UNC45A: variants seen among roughly 807,000 people sequenced by gnomAD.
UNC45A encodes unc-45 myosin chaperone A.
Under a neutral mutation model 103.2 loss-of-function variants are expected in UNC45A, and 78 were observed. That is an observed-to-expected ratio of 0.76 (90% CI 0.63 to 0.91). The LOEUF is 0.91. Among genes scored for constraint, UNC45A ranks in the 40% least tolerant of loss-of-function variants. UNC45A has a pLI of 0.00. For missense variants in UNC45A, 1,193 were observed against 1,224.8 expected (o/e 0.97, Z 0.39); for synonymous variants, 495 against 504.6 (o/e 0.98, Z 0.25).
rs1246194390 is a variant in UNC45A at position 90,936,325 on chromosome 15, G to T, written c.291G>T (p.Arg97=). 1 of 1,613,982 alleles carries T rather than the reference G, an allele frequency of 6.2e-7. No homozygotes were observed. The highest frequency in any genetic ancestry group is 1.7e-5 in the Admixed American group (1 of 59,980). Residue 97 remains arginine, a synonymous_variant, in exon 4 of 20, where the codon CGG becomes CGT. Coordinates refer to ENST00000418476, the MANE Select transcript of UNC45A (RefSeq NM_018671.5). ...GTGGGGATGTCAAAGCACTCTACCGGCGGAGCCAAGCCCTAGAGAAGCTGG... is the reference window on the plus strand; with the variant it reads ...GTGGGGATGTCAAAGCACTCTACCGTCGGAGCCAAGCCCTAGAGAAGCTGG... The part of the protein sequence containing the change: ...KDGGDVKALY[R]RSQALEKLGR...
upstream of UNC45A, chr15:90,932,302 T>C (rs2035828724): frequency 2.5e-6 from 2 of 812,526 alleles, no homozygotes; most frequent in Middle Eastern, 3.3e-4. Context: ...GTTATGAGGC[T>C]TAAACGGTAT....
intron 7 of UNC45A, 87 bp from the exon 8 acceptor site, chr15:90,942,825 G>A (rs2036363100): frequency 6.6e-7 from 1 of 1,525,908 alleles, no homozygotes; most frequent in African/African-American, 1.4e-5. Flanking sequence ...CCCCTTCCCT[G>A]TGTCTCCCTG....
intron 6 of UNC45A, among the ~76,000 whole-genome samples, chr15:90,941,761 A>T (rs978915994): frequency 1.3e-4 from 20 of 151,760 alleles, no homozygotes; most frequent in African/African-American, 4.8e-4. Flanking sequence ...AGATTGAGAC[A>T]ATCCTGGCTA....
chr15:90,943,198 C>T (rs1438060547), intron 8 of UNC45A, 116 bp downstream of exon 8: 1 of 1,269,982 alleles, frequency 7.9e-7, no homozygotes, highest in African/African-American at 1.5e-5. Context: ...CTTTGAGAGG[C>T]AGGGGGTCAC....
chr15:90,931,931 T>C (rs932374912), upstream of UNC45A: 2 of 1,613,940 alleles, frequency 1.2e-6, no homozygotes, highest in South Asian at 1.1e-5. Context: ...CACCGTGTCA[T>C]GGAGCAGGGC....
At chr15:90,931,636 G>C, upstream of UNC45A, 1 of 1,613,916 alleles carries the variant, frequency 6.2e-7, no homozygotes, top group Middle Eastern at 1.7e-4. Flanking sequence ...CAGGGGAACT[G>C]ACCAACATGT....
chr15:90,934,802 A>T (rs947731176), upstream of UNC45A: 2 of 403,094 alleles, frequency 5.0e-6, no homozygotes, highest in Non-Finnish European at 8.7e-6. Flanking sequence ...TTCGTATGCA[A>T]ATGTGTGTAT....
chr15:90,944,838 T>C (rs531609433), intron 8 of UNC45A, 54 bp from the exon 9 acceptor site: 1 of 1,561,786 alleles, frequency 6.4e-7, no homozygotes, highest in Non-Finnish European at 8.7e-7. Flanking sequence ...CTGTTTCTTT[T>C]ACTTGTAGGG....
intron 17 of UNC45A, among the ~76,000 whole-genome samples, 166 bp downstream of exon 17, chr15:90,950,781 G>C (rs917244812): frequency 6.6e-6 from 1 of 152,180 alleles, no homozygotes; most frequent in African/African-American, 2.4e-5. Context: ...GAGGCAGCAC[G>C]GCACGGCAGA....
intron 4 of UNC45A, 38 bp from the exon 5 acceptor site, chr15:90,939,693 G>C: frequency 6.2e-7 from 1 of 1,609,498 alleles, no homozygotes; most frequent in Non-Finnish European, 8.5e-7. Flanking sequence ...CTCTGGCCAA[G>C]AGCCGTGATT....
At position 90,939,784 on chromosome 15, in the gene UNC45A, G is replaced by A. The variant is rs765663280; in HGVS notation, c.480G>A (p.Leu160=). The A allele has an allele frequency of 9.3e-6, 15 of 1,614,202 alleles. No homozygotes were observed. The highest frequency in any genetic ancestry group is 7.7e-5 in the South Asian group (7 of 91,088). ...DAKVEQMFQI[L]LDPEEKGTEK... is the part of the protein sequence containing the mutation. ...AAGTGGAACAGATGTTTCAGATACT[G>A]TTGGACCCAGAAGAGAAGGGCACTG... Residue 160 remains leucine, a synonymous_variant, in exon 5 of 20, where the codon CTG becomes CTA. Coordinates refer to ENST00000418476, the MANE Select transcript of UNC45A (RefSeq NM_018671.5).
At chr15:90,950,295 C>T in intron 16 of UNC45A, 28 bp downstream of exon 16, 6 of 1,549,666 alleles carry the variant, frequency 3.9e-6, no homozygotes, top group Non-Finnish European at 5.2e-6. Context: ...CCGGCCTTTC[C>T]ACTCCCTCTG....
chr15:90,935,309 A>T lies in UNC45A; in HGVS notation c.-16A>T. 6.3e-7 allele frequency: 1 copy of T among 1,599,828 alleles called. No individual in the cohort carries two copies. On this transcript the variant is annotated 5_prime_UTR_variant, in exon 1 of 20. Coordinates refer to ENST00000418476, the MANE Select transcript of UNC45A (RefSeq NM_018671.5). ...CAGAGACTGCGCCTGCGCGGGCACG[A>T]GACAACCTCTCCGCGATGACTGTGA...
In UNC45A at chr15:90,940,264, C is replaced by G. The variant is rs17635998; in HGVS notation, c.520-42C>G. 162 of 1,583,928 alleles carry G rather than the reference C, an allele frequency of 1.0e-4. No homozygotes were observed. In the African/African-American group the frequency reaches 1.9e-3, roughly 18 times the overall value. On this transcript the variant is annotated intron_variant, in intron 5 of 19. Transcript: ENST00000418476. ...TGCTCACCAGTGCTGCATCCTATGCCGTGTGCAGTGTCAACATTATAATGT... is the reference window on the plus strand; with the variant it reads ...TGCTCACCAGTGCTGCATCCTATGCGGTGTGCAGTGTCAACATTATAATGT...
At position 90,948,648 on chromosome 15, in the gene UNC45A, T is replaced by C; in HGVS notation, c.1738-6T>C. On this transcript the variant is annotated splice_polypyrimidine_tract_variant and splice_region_variant and intron_variant, in intron 12 of 19. Transcript: ENST00000418476. Reference sequence around the variant, plus strand: ...TGCCCATGTGAATTCCTCTGTGTCCTGGCAGTTGGAGGAGAGGTCAGTGCT... The same window carrying C: ...TGCCCATGTGAATTCCTCTGTGTCCCGGCAGTTGGAGGAGAGGTCAGTGCT... The C allele has an allele frequency of 6.2e-7, 1 of 1,613,372 alleles. No homozygotes were observed. Among genetic ancestry groups the C allele is most frequent in the Non-Finnish European group, 8.5e-7 (1 of 1,179,394 alleles).
upstream of UNC45A, chr15:90,934,073 G>C (rs74039157): frequency 1.0e-5 from 4 of 399,132 alleles, no homozygotes; most frequent in Non-Finnish European, 1.8e-5. Context: ...GCCCCTTGCT[G>C]ACAGGCCTAT....
chr15:90,947,142 A>G (rs2036617364), intron 10 of UNC45A: 2 of 559,870 alleles, frequency 3.6e-6, no homozygotes, highest in Non-Finnish European at 6.4e-6. Flanking sequence ...TGAGTCACGC[A>G]TGTCACTGCA....
At chr15:90,942,729 G>T in intron 7 of UNC45A, 124 bp downstream of exon 7, 1 of 1,541,678 alleles carries the variant, frequency 6.5e-7, no homozygotes, top group Non-Finnish European at 8.9e-7. Context: ...ATACGGTTTG[G>T]TGACATTATT....
At chr15:90,946,540 T>C (rs887295366) in intron 9 of UNC45A, 74 bp from the exon 10 acceptor site, 20 of 1,465,302 alleles carry the variant, frequency 1.4e-5, no homozygotes, top group Non-Finnish European at 1.8e-5. Context: ...GCCTGGCCAG[T>C]GGAGGGGAAG....
Sources: gnomAD v4.1 joint callset for allele counts (sites outside exome capture counted in the v4.1 genomes callset) on GRCh38, gnomAD v4.1.1 for gene constraint, MANE v1.5 for transcripts, NCBI Gene and HGNC (gene_info 2026-07-23, HGNC 2026-07-21) for gene names.